HIVEP1: variants seen among roughly 807,000 people sequenced by gnomAD.
The protein encoded by HIVEP1 is zinc finger protein 40.
In HIVEP1, 36 loss-of-function variants were observed where a neutral mutation model predicts 180.0. The ratio of observed to expected loss-of-function variants is 0.20; its 90% confidence interval spans 0.15 to 0.26. The LOEUF is 0.26. HIVEP1 is among the 10% of genes least tolerant of loss of function. The pLI, the probability that HIVEP1 is intolerant of heterozygous loss-of-function variation, is 1.00. For missense variants in HIVEP1, 3,143 were observed against 3,268.7 expected, an observed-to-expected ratio of 0.96 and a Z score of 0.94; for synonymous variants, 1,239 against 1,239.0, an observed-to-expected ratio of 1.00 and a Z score of 0.00.
At chr6:12,152,486 G>GTTGTC in intron 7 of HIVEP1, among the ~76,000 whole-genome samples, 1 of 152,106 alleles carries the variant, frequency 6.6e-6, no homozygotes, top group East Asian at 1.9e-4. Context: ...AGAGGGCAGA[G>GTTGTC]TTGTCTGTGC....
At position 12,124,104 on chromosome 6, in the gene HIVEP1, A is replaced by C. The variant is rs773314261; in HGVS notation, c.4309A>C (p.Ile1437Leu). 1.4e-5 allele frequency: 22 copies of C among 1,614,168 alleles called. No homozygotes were observed. The highest frequency in any genetic ancestry group is 1.6e-5 in the Non-Finnish European group (19 of 1,180,008). The change falls in exon 4 of 9, where the codon ATA (isoleucine) becomes CTA (leucine). Residue 1437 changes from isoleucine (I) to leucine (L), a missense_variant. By Grantham distance (5) the Ile-to-Leu change is conservative. Around this residue, in one of 12 missense-constraint regions of HIVEP1, gnomAD observed 1,357 missense variants for 1,260.5 expected, o/e 1.08. Coordinates refer to ENST00000379388, the MANE Select transcript of HIVEP1 (RefSeq NM_002114.4). ...ACTGGTACGGCAAATATCTTTAAACATAGCCCCAGATAGTCATCTGTCTCC... is the reference window on the plus strand; with the variant it reads ...ACTGGTACGGCAAATATCTTTAAACCTAGCCCCAGATAGTCATCTGTCTCC... ...GPLVRQISLN[I>L]APDSHLSPVH... is the part of the protein sequence containing the mutation.
chr6:12,058,251 A>G (rs1026295869), intron 2 of HIVEP1, among the ~76,000 whole-genome samples: 4 of 152,324 alleles, frequency 2.6e-5, no homozygotes, highest in African/African-American at 4.8e-5. Context: ...TAAAATTTAT[A>G]TATACTGCAT....
chr6:12,089,316 GAAAT>G, intron 3 of HIVEP1, 79 bp downstream of exon 3: 1 of 805,044 alleles, frequency 1.2e-6, no homozygotes, highest in Non-Finnish European at 2.1e-6. Flanking sequence ...GTAGCCTTAT[GAAAT>G]AAATCAGTAT....
the HIVEP1 span, among the ~76,000 whole-genome samples, chr6:12,189,741 A>G: frequency 6.6e-6 from 1 of 152,184 alleles, no homozygotes; most frequent in Non-Finnish European, 1.5e-5. Context: ...TGAAAAATGC[A>G]TATTTCTGGG....
At chr6:12,139,369 C>T (rs1235014368) in intron 7 of HIVEP1, among the ~76,000 whole-genome samples, 2 of 152,168 alleles carry the variant, frequency 1.3e-5, no homozygotes, top group Non-Finnish European at 2.9e-5. Context: ...GGATTCCATT[C>T]CAAGATGGCC....
chr6:12,035,539 G>A (rs959393764), intron 2 of HIVEP1, among the ~76,000 whole-genome samples: 1 of 152,176 alleles, frequency 6.6e-6, no homozygotes, highest in Non-Finnish European at 1.5e-5. Context: ...CTGAACCTGT[G>A]TGTGTATATC....
chr6:12,079,803 T>C (rs988168447), intron 2 of HIVEP1, among the ~76,000 whole-genome samples: 1 of 152,162 alleles, frequency 6.6e-6, no homozygotes, highest in Non-Finnish European at 1.5e-5. Context: ...TAATAGAAAT[T>C]AATACAACAA....
chr6:12,034,403 C>T (rs1769146287), intron 2 of HIVEP1, among the ~76,000 whole-genome samples: 1 of 152,162 alleles, frequency 6.6e-6, no homozygotes, highest in South Asian at 2.1e-4. Flanking sequence ...TTTTCTTGTA[C>T]ACTTAGCAAA....
At chr6:12,206,470 G>T in the HIVEP1 span, among the ~76,000 whole-genome samples, 1 of 152,060 alleles carries the variant, frequency 6.6e-6, no homozygotes, top group South Asian at 2.1e-4. Context: ...CACAGAGAAA[G>T]AGAGAGACAG....
chr6:12,123,448 A>G lies in HIVEP1; in HGVS notation c.3653A>G (p.His1218Arg), dbSNP rs751807439. 17 of 1,614,106 alleles carry G rather than the reference A, an allele frequency of 1.1e-5. No individual in the cohort carries two copies. Among genetic ancestry groups the G allele is most frequent in the Non-Finnish European group, 1.3e-5 (15 of 1,180,042 alleles). ...TCCAGAAAGAGTCCAAGTGAACGAC[A>G]TGTGTTAGGACAGCCCTCAAGACTT... ...ESSRKSPSER[H>R]VLGQPSRLVR... Residue 1218 changes from histidine (H) to arginine (R), a missense_variant, in exon 4 of 9, where the codon CAT becomes CGT. By Grantham distance (29) the His-to-Arg change is conservative. Transcript: ENST00000379388.
In HIVEP1 at chr6:12,128,886, G is replaced by A. The variant is rs140029785; in HGVS notation, c.6076-873G>A. On this transcript the variant is annotated intron_variant, in intron 4 of 8. Coordinates refer to ENST00000379388, the MANE Select transcript of HIVEP1 (RefSeq NM_002114.4). ...CTAGACCTGGATGCCACATTTATCA[G>A]TATTCAGTAAACTTTTGAGAAGATA... Among the ~76,000 whole-genome samples the A allele has an allele frequency of 2.5e-3, 380 of 152,264 alleles. 4 individuals carry two copies. The highest frequency in any genetic ancestry group is 8.8e-3 in the African/African-American group (366 of 41,554).
the HIVEP1 span, among the ~76,000 whole-genome samples, chr6:12,196,700 G>T: frequency 6.6e-6 from 1 of 152,168 alleles, no homozygotes; most frequent in Non-Finnish European, 1.5e-5. Flanking sequence ...GTGACATATT[G>T]CCCCCGAAGA....
chr6:12,141,691 C>CA lies in HIVEP1; in HGVS notation c.6487+5828dup, dbSNP rs60419579. ...GAAGATCTACCAAGCAAATGGAAAG[C>CA]AAAAAAAAAAAAAAAAAAAAAAAAA... On this transcript the variant is annotated intron_variant, in intron 7 of 8. Transcript: ENST00000379388. Among the ~76,000 whole-genome samples, 143 of 19,226 alleles carry CA rather than the reference C, an allele frequency of 7.4e-3. 22 individuals carry two copies. The highest frequency in any genetic ancestry group is 0.012 in the African/African-American group (133 of 10,890). The allele number at this position is 19,226 out of a possible 152,430, so 12.6% of individuals were successfully genotyped here. A position where few individuals can be genotyped will look rare whatever the true frequency, so the allele number is the denominator to read the frequency against.
the HIVEP1 span, among the ~76,000 whole-genome samples, chr6:12,194,906 AAAG>A: frequency 6.6e-6 from 1 of 152,236 alleles, no homozygotes; most frequent in Admixed American, 6.5e-5. Flanking sequence ...TTCAGAGCAC[AAAG>A]AAGAGCCAAA....
At chr6:12,136,086 C>T (rs1054235454) in intron 7 of HIVEP1, among the ~76,000 whole-genome samples, 194 bp downstream of exon 7, 3 of 152,150 alleles carry the variant, frequency 2.0e-5, no homozygotes, top group South Asian at 2.1e-4. Flanking sequence ...CTATCCCCCA[C>T]GATGTTCATC....
At chr6:12,197,189 C>A in the HIVEP1 span, among the ~76,000 whole-genome samples, 2 of 152,060 alleles carry the variant, frequency 1.3e-5, no homozygotes, top group African/African-American at 4.8e-5. Flanking sequence ...GAGTTCCAGG[C>A]AGAGTGTCAG....
intron 2 of HIVEP1, among the ~76,000 whole-genome samples, chr6:12,017,985 G>C (rs569106010): frequency 6.6e-6 from 1 of 152,196 alleles, no homozygotes; most frequent in Non-Finnish European, 1.5e-5. Context: ...AGCGCTCATC[G>C]GGGAGGCTGG....
chr6:12,129,478 T>A, intron 4 of HIVEP1: 3 of 444,620 alleles, frequency 6.7e-6, no homozygotes, highest in Non-Finnish European at 1.3e-5. Flanking sequence ...CTGTTAAACT[T>A]AAGAAATACC....
At chr6:12,083,925 T>C (rs1772950724) in intron 2 of HIVEP1, among the ~76,000 whole-genome samples, 1 of 152,084 alleles carries the variant, frequency 6.6e-6, no homozygotes, top group Non-Finnish European at 1.5e-5. Flanking sequence ...TCATGTGTGG[T>C]GTTGGTTTTT....
Sources: gnomAD v4.1 joint callset for allele counts (sites outside exome capture counted in the v4.1 genomes callset) on GRCh38, gnomAD v4.1.1 for gene constraint, gnomAD v4.1.1 regional missense constraint, MANE v1.5 for transcripts, NCBI Gene and HGNC (gene_info 2026-07-23, HGNC 2026-07-21) for gene names.